Variants in ENPP4 observed in about 807,000 individuals in gnomAD.
The protein encoded by ENPP4 is bis(5'-adenosyl)-triphosphatase ENPP4.
ENPP4 carries 18 observed loss-of-function variants against 33.4 expected under a neutral mutation model. The ratio of observed to expected loss-of-function variants is 0.54; its 90% CI spans 0.37 to 0.80. The LOEUF is 0.80. Among genes scored for constraint, ENPP4 ranks in the 30% least tolerant of loss-of-function variants. ENPP4 has a pLI of 0.00. For synonymous variants in ENPP4, 172 were observed against 189.9 expected (o/e 0.91, Z 0.78); for missense variants, 480 against 541.7 (o/e 0.89, Z 1.13).
chr6:46,144,744 C>T lies in ENPP4; in HGVS notation c.*1104C>T, dbSNP rs1479772933. 2 of 378,268 alleles carry T rather than the reference C, an allele frequency of 5.3e-6. No homozygotes were observed. The highest frequency in any genetic ancestry group is 9.4e-6 in the Non-Finnish European group (2 of 213,264). The allele number at this position is 378,268 out of a possible 1,614,324, so 23.4% of individuals were successfully genotyped here. A position where few individuals can be genotyped will look rare whatever the true frequency, so the allele number is the denominator to read the frequency against. ...TGTATTTATCTTTGGGACTTTATGC[C>T]TTACTTTTTAGGCTATAGAATAGTT... On this transcript the variant is annotated 3_prime_UTR_variant, in exon 4 of 4. Coordinates refer to ENST00000321037, the MANE Select transcript of ENPP4 (RefSeq NM_014936.5).
rs1348826518 is a variant in ENPP4 at position 46,140,031 on chromosome 6, T to A, written c.448T>A (p.Tyr150Asn). 7.4e-6 allele frequency: 12 copies of A among 1,612,784 alleles called. No homozygotes were observed. The highest frequency in any genetic ancestry group is 9.3e-6 in the Non-Finnish European group (11 of 1,179,084). ...DVPIHDTISS[Y>N]FMNYNSSVSF... is the part of the protein sequence containing the mutation. ...ACCCATTCACGATACCATCTCTTCC[T>A]ATTTTATGAATTACAACTCCTCAGT... The change falls in exon 2 of 4, where the codon TAT becomes AAT. Residue 150 changes from tyrosine to asparagine, a missense_variant. By Grantham distance (143) the Tyr-to-Asn change is moderately radical. Coordinates refer to ENST00000321037, the MANE Select transcript of ENPP4 (RefSeq NM_014936.5).
rs1458715264 is a variant in ENPP4 at position 46,145,695 on chromosome 6, A to AT, written c.*2056dup. 2.0e-5 allele frequency: 3 copies of AT among 151,850 alleles called. No individual in the cohort carries two copies. Among genetic ancestry groups the AT allele is most frequent in the Non-Finnish European group, 4.4e-5 (3 of 67,860 alleles). 9.4% of individuals were successfully genotyped at this position (151,850 alleles called of 1,614,324 possible). On this transcript the variant is annotated 3_prime_UTR_variant, in exon 4 of 4. Coordinates refer to ENST00000321037, the MANE Select transcript of ENPP4 (RefSeq NM_014936.5). ...CATCCAACTCATGAGTGGATTTTATATAGGATGGAACAGGAAGGTATGTCC... is the reference window on the plus strand; with the variant it reads ...CATCCAACTCATGAGTGGATTTTATATTAGGATGGAACAGGAAGGTATGTCC...
chr6:46,130,479 G>T (rs190526462), intron 1 of ENPP4, among the ~76,000 whole-genome samples: 1 of 152,356 alleles, frequency 6.6e-6, no homozygotes, highest in African/African-American at 2.4e-5. Flanking sequence ...TCAGCCGAAC[G>T]GTAGTGGAGG....
rs1228808960 is a variant in ENPP4, at chr6:46,144,835, A to G, written c.*1195A>G. On this transcript the variant is annotated 3_prime_UTR_variant, in exon 4 of 4. Transcript: ENST00000321037. Reference sequence around the variant, plus strand: ...CACCATTCATATGTTAAGTGGCAGAATAGCCTTAGTGCTACCTCCACTTTT... The same window carrying G: ...CACCATTCATATGTTAAGTGGCAGAGTAGCCTTAGTGCTACCTCCACTTTT... 2 of 393,944 alleles carry G rather than the reference A, an allele frequency of 5.1e-6. No homozygotes were observed. Among genetic ancestry groups the G allele is most frequent in the African/African-American group, 4.1e-5 (2 of 48,448 alleles). The allele number at this position is 393,944 out of a possible 1,614,324, so 24.4% of individuals were successfully genotyped here.
Position 46,140,332 on chromosome 6 carries a change from A to G in ENPP4, c.749A>G (p.Asn250Ser), listed in dbSNP as rs1301463028. 6.2e-7 allele frequency: 1 copy of G among 1,611,686 alleles called. No individual in the cohort carries two copies. Among genetic ancestry groups the G allele is most frequent in the Admixed American group, 1.7e-5 (1 of 59,760 alleles). The change falls in exon 2 of 4, where the codon AAC becomes AGC. Residue 250 changes from asparagine (N) to serine (S), a missense_variant. Asn to Ser is a conservative substitution (Grantham distance 46, BLOSUM62 1). This residue lies in a region of ENPP4 where 249 missense variants were observed against 251.8 expected (regional missense o/e 0.99). Transcript: ENST00000321037. ...CAGTGTTCTCAGGACAGACTGATAA[A>G]CCTGGATTCCTGCATCGATCATTCA... ...MTQCSQDRLI[N>S]LDSCIDHSYY...
chr6:46,140,911 A>G, intron 2 of ENPP4, 141 bp from the exon 3 acceptor site: 1 of 577,414 alleles, frequency 1.7e-6, no homozygotes, highest in South Asian at 2.3e-5. Flanking sequence ...CAACACTCTC[A>G]CATTATTATT....
At chr6:46,131,656 C>G (rs1763902724) in intron 1 of ENPP4, among the ~76,000 whole-genome samples, 1 of 152,004 alleles carries the variant, frequency 6.6e-6, no homozygotes, top group Non-Finnish European at 1.5e-5. Flanking sequence ...GATTTATAGT[C>G]CTTTGGGTAT....
chr6:46,135,231 ATGT>A (rs1433243615), intron 1 of ENPP4, among the ~76,000 whole-genome samples: 3 of 152,062 alleles, frequency 2.0e-5, no homozygotes, highest in African/African-American at 7.2e-5. Context: ...TGGTAGCCCT[ATGT>A]TTAACCCTTT....
intron 1 of ENPP4, among the ~76,000 whole-genome samples, chr6:46,133,107 T>G (rs138143015): frequency 3.9e-5 from 6 of 152,104 alleles, no homozygotes; most frequent in Non-Finnish European, 8.8e-5. Flanking sequence ...CAGGGACAAT[T>G]TGACTTAATT....
In ENPP4 at chr6:46,143,515, G is replaced by T. The variant is rs1286998732; in HGVS notation, c.1237G>T (p.Gly413Cys). The T allele has an allele frequency of 1.9e-6, 3 of 1,612,718 alleles. No homozygotes were observed. The highest frequency in any genetic ancestry group is 2.5e-6 in the Non-Finnish European group (3 of 1,179,070). The change falls in exon 4 of 4, where the codon GGT becomes TGT. Residue 413 changes from glycine (G) to cysteine (C), a missense_variant. By Grantham distance (159) the Gly-to-Cys change is radical. Around this residue, in one of 3 missense-constraint regions of ENPP4, gnomAD observed 249 missense variants for 251.8 expected, o/e 0.99. Transcript: ENST00000321037. Reference protein sequence around the residue: ...NLPEAIAIVIGSLLVLTMLTC... With the variant: ...NLPEAIAIVICSLLVLTMLTC... ...CCCAGAAGCCATCGCGATTGTTATC[G>T]GTTCACTCTTGGTGTTAACCATGCT...
In ENPP4 at chr6:46,143,649, A is replaced by T; in HGVS notation, c.*9A>T. 1.3e-6 allele frequency: 2 copies of T among 1,599,234 alleles called. No homozygotes were observed. Among genetic ancestry groups the T allele is most frequent in the African/African-American group, 2.7e-5 (2 of 74,708 alleles). On this transcript the variant is annotated 3_prime_UTR_variant, in exon 4 of 4. Transcript: ENST00000321037. ...ATCCTTTAATTGGGTGACATGTGCT[A>T]GGGCTTATACAAAGTGTCTTTGATT...
rs181478899 is a variant in ENPP4, at chr6:46,146,628, T to G, written c.*2988T>G. 6.6e-6 allele frequency: 1 copy of G among 152,162 alleles called. No homozygotes were observed. The highest frequency in any genetic ancestry group is 1.9e-4 in the East Asian group (1 of 5,188). 9.4% of individuals were successfully genotyped at this position (152,162 alleles called of 1,614,324 possible). On this transcript the variant is annotated 3_prime_UTR_variant, in exon 4 of 4. Coordinates refer to ENST00000321037, the MANE Select transcript of ENPP4 (RefSeq NM_014936.5). The stretch of plus-strand genomic sequence containing the variant: ...CAGAATTAATGACTTTGTTCATGAT[T>G]TTTAAAATGTGTGTGAATAAAATCT...
rs954483107 is a variant in ENPP4 at position 46,140,226 on chromosome 6, G to A, written c.643G>A (p.Gly215Ser). Residue 215 changes from glycine to serine, a missense_variant, in exon 2 of 4, where the codon GGT (glycine) becomes AGT (serine). By Grantham distance (56) the Gly-to-Ser change is moderately conservative (BLOSUM62 0). Transcript: ENST00000321037. ...GTTGAAAAAAATAGATGATCTTATC[G>A]GTGACTTAGTCCAAAGACTCAAGAT... ...RVLKKIDDLI[G>S]DLVQRLKMLG... 33 of 1,612,358 alleles carry A rather than the reference G, an allele frequency of 2.0e-5. No individual in the cohort carries two copies. The highest frequency in any genetic ancestry group is 8.4e-5 in the Admixed American group (5 of 59,772).
rs1218984848 is a variant in ENPP4 at position 46,130,033 on chromosome 6, G to T, written c.-190G>T. The T allele has an allele frequency of 3.9e-5, 6 of 152,022 alleles. No individual in the cohort carries two copies. Among genetic ancestry groups the T allele is most frequent in the Non-Finnish European group, 7.4e-5 (5 of 67,908 alleles). 9.4% of individuals were successfully genotyped at this position (152,022 alleles called of 1,614,324 possible). Reference sequence around the variant, plus strand: ...GCGCAGATAGGGACGTTGGGGCTGTGCCCCGCGGCGCGGCGCCTGCCACTG... The same window carrying T: ...GCGCAGATAGGGACGTTGGGGCTGTTCCCCGCGGCGCGGCGCCTGCCACTG... On this transcript the variant is annotated 5_prime_UTR_variant, in exon 1 of 4. Transcript: ENST00000321037.
chr6:46,140,451 G>A (rs1470357452), intron 2 of ENPP4, 42 bp downstream of exon 2: 8 of 1,229,600 alleles, frequency 6.5e-6, no homozygotes, highest in Non-Finnish European at 3.4e-6. Context: ...ATTCGAATGG[G>A]GCAATTGATT....
rs775897887 is a variant in ENPP4, at chr6:46,143,292, T to C, written c.1014T>C (p.Tyr338=). Residue 338 remains tyrosine (Y), a synonymous_variant, in exon 4 of 4, where the codon TAT becomes TAC. Coordinates refer to ENST00000321037, the MANE Select transcript of ENPP4 (RefSeq NM_014936.5). ...CTTTTTCAGTAGGTGACCATGGTTA[T>C]GATAATTCTTTGCCTAGTATGCATC... ...ESSQKLGDHG[Y]DNSLPSMHPF... is the part of the protein sequence containing the mutation. The C allele has an allele frequency of 1.3e-6, 2 of 1,585,424 alleles. No individual in the cohort carries two copies. Among genetic ancestry groups the C allele is most frequent in the Non-Finnish European group, 1.7e-6 (2 of 1,161,304 alleles).
Position 46,139,660 on chromosome 6 carries a change from C to T in ENPP4, c.77C>T (p.Pro26Leu). Residue 26 changes from proline to leucine, a missense_variant, in exon 2 of 4, where the codon CCT becomes CTT. Transcript: ENST00000321037. ...AGTGACTCTTCCTCTAGTTTGCCAC[C>T]TAAGTTACTACTAGTATCCTTTGAT... is the stretch of plus-strand genomic sequence containing the variant. ...FRSDSSSSLP[P>L]KLLLVSFDGF... is the part of the protein sequence containing the mutation. 1 of 1,611,132 alleles carries T rather than the reference C, an allele frequency of 6.2e-7. No homozygotes were observed. Among genetic ancestry groups the T allele is most frequent in the Non-Finnish European group, 8.5e-7 (1 of 1,178,004 alleles).
At chr6:46,133,956 C>G (rs1190384932) in intron 1 of ENPP4, among the ~76,000 whole-genome samples, 1 of 152,090 alleles carries the variant, frequency 6.6e-6, no homozygotes, top group Non-Finnish European at 1.5e-5. Context: ...TTATTGAGGA[C>G]ATGAAATTAG....
chr6:46,142,147 T>C (rs892621691), intron 3 of ENPP4, among the ~76,000 whole-genome samples: 5 of 151,282 alleles, frequency 3.3e-5, no homozygotes, highest in Non-Finnish European at 4.4e-5. Flanking sequence ...TTTACATCAA[T>C]GTTATGTTGC....
Sources: allele counts gnomAD v4.1 joint callset (sites outside exome capture counted in the v4.1 genomes callset), GRCh38; gene constraint gnomAD v4.1.1; regional missense constraint gnomAD v4.1.1; transcripts MANE v1.5; gene names NCBI Gene and HGNC (gene_info 2026-07-23, HGNC 2026-07-21).